ENOX1: variants seen among roughly 807,000 people sequenced by gnomAD.
ENOX1 encodes the protein ecto-NOX disulfide-thiol exchanger 1, also known as candidate growth-related and time keeping constitutive hydroquinone (NADH) oxidase.
Under a neutral mutation model 82.5 loss-of-function variants are expected in ENOX1, and 42 were observed. The observed-to-expected ratio is 0.51, with a 90% CI of 0.40 to 0.66. The LOEUF (loss-of-function observed/expected upper bound fraction) is 0.66. ENOX1 is among the 30% of genes least tolerant of loss of function. The probability of loss-of-function intolerance (pLI) is 0.00; values close to 1 mark genes in which losing one functional copy is unlikely to be tolerated. For missense variants in ENOX1, 608 were observed against 811.6 expected, an observed-to-expected ratio of 0.75 and a Z score of 3.05; for synonymous variants, 271 against 282.2, an observed-to-expected ratio of 0.96 and a Z score of 0.40.
intron 9 of ENOX1, among the ~76,000 whole-genome samples, chr13:43,333,888 G>A (rs1283539339): frequency 6.6e-6 from 1 of 152,234 alleles, no homozygotes. Flanking sequence ...CTCGCAAAGT[G>A]CTGGGATTAC....
At chr13:43,734,332 G>A (rs548250233) in intron 1 of ENOX1, among the ~76,000 whole-genome samples, 1 of 152,274 alleles carries the variant, frequency 6.6e-6, no homozygotes, top group East Asian at 1.9e-4. Context: ...AAGCAGGGCT[G>A]CAGGTAAAAA....
intron 2 of ENOX1, among the ~76,000 whole-genome samples, chr13:43,519,926 C>T (rs2077698126): frequency 6.6e-6 from 1 of 152,080 alleles, no homozygotes; most frequent in Admixed American, 6.6e-5. Context: ...TAGTGTCCCT[C>T]CCAGGTCCCC....
At chr13:43,348,048 C>T (rs371572120) in intron 8 of ENOX1, among the ~76,000 whole-genome samples, 4 of 152,170 alleles carry the variant, frequency 2.6e-5, no homozygotes, top group Non-Finnish European at 5.9e-5. Context: ...TTTGCCAGAG[C>T]CCTCTTTGTT....
At chr13:43,316,969 C>T (rs1350452129) in intron 11 of ENOX1, among the ~76,000 whole-genome samples, 1 of 152,170 alleles carries the variant, frequency 6.6e-6, no homozygotes, top group African/African-American at 2.4e-5. Context: ...AAATGCTTGT[C>T]TTTAATTCAG....
At chr13:43,416,454 C>G (rs1216518849) in intron 3 of ENOX1, among the ~76,000 whole-genome samples, 1 of 149,030 alleles carries the variant, frequency 6.7e-6, no homozygotes, top group Non-Finnish European at 1.5e-5. Flanking sequence ...CTCCTCACAT[C>G]CCAGATGGGG....
chr13:43,648,018 C>A (rs929092542), intron 2 of ENOX1, among the ~76,000 whole-genome samples: 1 of 152,204 alleles, frequency 6.6e-6, no homozygotes, highest in Non-Finnish European at 1.5e-5. Context: ...CCCCCAAAGT[C>A]TTCAGCCATG....
chr13:43,763,914 C>T lies in ENOX1; in HGVS notation c.-285+22738G>A, dbSNP rs1220500830. 3.9e-5 allele frequency among the ~76,000 whole-genome samples: 6 copies of T among 152,256 alleles called. No homozygotes were observed. The South Asian group carries it at 1.2e-3, about 32-fold the overall frequency. ...CTAGAAAAAGAGTTACATGTATTAT[C>T]ACAGATATATAAGATTCATAGAGAA... On this transcript the variant is annotated intron_variant, in intron 1 of 16. Transcript: ENST00000690772.
At chr13:43,680,902 A>T (rs905035332) in intron 1 of ENOX1, among the ~76,000 whole-genome samples, 1 of 152,176 alleles carries the variant, frequency 6.6e-6, no homozygotes, top group African/African-American at 2.4e-5. Flanking sequence ...ATGAATCCTA[A>T]CTACAACTAT....
chr13:43,216,600 T>C (rs1262528025), intron 16 of ENOX1, among the ~76,000 whole-genome samples: 2 of 152,158 alleles, frequency 1.3e-5, no homozygotes, highest in African/African-American at 4.8e-5. Context: ...AGATCATCTA[T>C]GGTGGGCTCT....
At chr13:43,227,123 G>A (rs1186754877) in intron 15 of ENOX1, among the ~76,000 whole-genome samples, 1 of 152,170 alleles carries the variant, frequency 6.6e-6, no homozygotes, top group Non-Finnish European at 1.5e-5. Context: ...AGTCAGAGGA[G>A]GATGGGGTGG....
At chr13:43,611,279 A>G (rs1018639240) in intron 2 of ENOX1, among the ~76,000 whole-genome samples, 5 of 152,174 alleles carry the variant, frequency 3.3e-5, no homozygotes, top group African/African-American at 9.7e-5. Context: ...TCCATCTGTT[A>G]GGCATTAAGA....
intron 8 of ENOX1, among the ~76,000 whole-genome samples, chr13:43,347,426 G>A (rs6561119): frequency 0.38 from 57,681 of 151,942 alleles, 11,048 homozygotes; most frequent in Middle Eastern, 0.52. Context: ...CTGACAGGCC[G>A]ATATATGATT....
chr13:43,692,978 T>C lies in ENOX1; in HGVS notation c.-284-25434A>G, dbSNP rs554419497. 2.0e-5 allele frequency among the ~76,000 whole-genome samples: 3 copies of C among 152,200 alleles called. No individual in the cohort carries two copies. The East Asian group carries it at 5.8e-4, about 29-fold the overall frequency. The stretch of plus-strand genomic sequence containing the variant: ...CTTTATATTACAGTATCATGTACCA[T>C]CAAAATCAATAACACGCATATTTAC... On this transcript the variant is annotated intron_variant, in intron 1 of 16. Coordinates refer to ENST00000690772, the MANE Select transcript of ENOX1 (RefSeq NM_001347969.2).
At chr13:43,389,341 G>A (rs1201639521) in intron 5 of ENOX1, among the ~76,000 whole-genome samples, 1 of 152,196 alleles carries the variant, frequency 6.6e-6, no homozygotes, top group Non-Finnish European at 1.5e-5. Flanking sequence ...AGTAATGGAA[G>A]CAGATGTGTG....
At chr13:43,308,420 T>G (rs2046992521) in intron 11 of ENOX1, among the ~76,000 whole-genome samples, 1 of 152,228 alleles carries the variant, frequency 6.6e-6, no homozygotes, top group African/African-American at 2.4e-5. Flanking sequence ...TTGTCCTTCT[T>G]TCCCACCTAA....
intron 1 of ENOX1, among the ~76,000 whole-genome samples, chr13:43,752,914 C>A (rs1459374989): frequency 6.6e-6 from 1 of 151,706 alleles, no homozygotes; most frequent in Non-Finnish European, 1.5e-5. Flanking sequence ...GAATGGAGTG[C>A]AGTGGTGCTA....
intron 2 of ENOX1, among the ~76,000 whole-genome samples, chr13:43,628,325 G>T (rs367648337): frequency 6.6e-6 from 1 of 152,030 alleles, no homozygotes; most frequent in Non-Finnish European, 1.5e-5. Context: ...CATTGAGATT[G>T]GAATTTCTAT....
Position 43,412,865 on chromosome 13 carries a change from A to T in ENOX1, c.50T>A (p.Leu17His). 6.2e-7 allele frequency: 1 copy of T among 1,614,104 alleles called. No homozygotes were observed. The highest frequency in any genetic ancestry group is 8.5e-7 in the Non-Finnish European group (1 of 1,180,010). The stretch of plus-strand genomic sequence containing the variant: ...TTTACCTGCAGCCATCATCTGAGGA[A>T]GCTCCTGGGGAAGCTGGGTGATGTT... ...VENITQLPQELPQMMAAAADG... is the reference protein window; with the variant it reads ...VENITQLPQEHPQMMAAAADG... Residue 17 changes from leucine to histidine, a missense_variant, in exon 4 of 17, where the codon CTT becomes CAT. Leu to His is a moderately conservative substitution (Grantham distance 99). Coordinates refer to ENST00000690772, the MANE Select transcript of ENOX1 (RefSeq NM_001347969.2).
At chr13:43,632,261 T>C (rs1296388826) in intron 2 of ENOX1, among the ~76,000 whole-genome samples, 1 of 152,150 alleles carries the variant, frequency 6.6e-6, no homozygotes, top group Non-Finnish European at 1.5e-5. Flanking sequence ...TTCAGAAATA[T>C]TTAAATTTAG....
Sources: allele counts gnomAD v4.1 joint callset (sites outside exome capture counted in the v4.1 genomes callset), GRCh38; gene constraint gnomAD v4.1.1; transcripts MANE v1.5; gene names NCBI Gene and HGNC (gene_info 2026-07-23, HGNC 2026-07-21).